The following DYM variants were observed in gnomAD, a reference collection of about 807,000 sequenced individuals.
DYM encodes the protein dymeclin.
A neutral mutation model predicts 93.1 loss-of-function variants in DYM; 78 were observed. The ratio of observed to expected loss-of-function variants is 0.84; its 90% confidence interval spans 0.70 to 1.01. The LOEUF (loss-of-function observed/expected upper bound fraction) is 1.01. Among genes scored for constraint, DYM ranks in the 50% least tolerant of loss-of-function variants. DYM has a pLI of 0.00. For synonymous variants in DYM, 321 were observed against 319.7 expected, an observed-to-expected ratio of 1.00 and a Z score of -0.04; for missense variants, 789 against 845.0, an observed-to-expected ratio of 0.93 and a Z score of 0.82.
At chr18:49,080,557 A>C (rs1460600466) in intron 17 of DYM, among the ~76,000 whole-genome samples, 1 of 106,104 alleles carries the variant, frequency 9.4e-6, no homozygotes. Flanking sequence ...GGCGCCCCTC[A>C]CCTCCCGGAC....
At chr18:49,192,437 A>G (rs2091066797) in intron 14 of DYM, among the ~76,000 whole-genome samples, 1 of 151,950 alleles carries the variant, frequency 6.6e-6, no homozygotes, top group Non-Finnish European at 1.5e-5. Flanking sequence ...ATCCAATTTG[A>G]TTTGATTTTG....
chr18:49,234,571 G>T (rs2093805760), intron 13 of DYM, among the ~76,000 whole-genome samples: 1 of 152,150 alleles, frequency 6.6e-6, no homozygotes, highest in African/African-American at 2.4e-5. Flanking sequence ...AACCCTAGGG[G>T]ATGGTTAGGG....
chr18:49,395,067 A>G (rs2069875403), intron 2 of DYM, among the ~76,000 whole-genome samples: 1 of 152,222 alleles, frequency 6.6e-6, no homozygotes, highest in Non-Finnish European at 1.5e-5. Context: ...ATGCTTCAGC[A>G]CATTGGTCTG....
intron 10 of DYM, among the ~76,000 whole-genome samples, chr18:49,280,367 G>GC (rs1007701097): frequency 6.6e-6 from 1 of 152,156 alleles, no homozygotes; most frequent in Non-Finnish European, 1.5e-5. Context: ...TAAAGCCTAA[G>GC]CCTGCCAGAG....
chr18:49,085,629 A>C (rs1186182027), intron 17 of DYM, among the ~76,000 whole-genome samples: 1 of 38,890 alleles, frequency 2.6e-5, no homozygotes, highest in African/African-American at 7.3e-5. Context: ...TTTTTTTTTG[A>C]TGGAGTCTCA....
At chr18:49,182,290 T>G (rs1410412925) in intron 14 of DYM, among the ~76,000 whole-genome samples, 2 of 152,168 alleles carry the variant, frequency 1.3e-5, no homozygotes. Context: ...TGGAGTGTTC[T>G]ATAAATGTCA....
chr18:49,430,490 C>T, intron 1 of DYM, 43 bp from the exon 2 acceptor site: 1 of 1,458,758 alleles, frequency 6.9e-7, no homozygotes, highest in Non-Finnish European at 9.4e-7. Context: ...GTTCAAAAGT[C>T]ATCATGCTTT....
At position 49,309,237 on chromosome 18, in the gene DYM, C is replaced by T. The variant is rs1264581104; in HGVS notation, c.764-22621G>A. On this transcript the variant is annotated intron_variant, in intron 8 of 17. Coordinates refer to ENST00000675505, the MANE Select transcript of DYM (RefSeq NM_001353214.3). ...GCATACTTAGAGAAAACTGGGTCAA[C>T]CTAAGTAGAAGGCTGCAGATTTATG... is the stretch of plus-strand genomic sequence containing the variant. 2.0e-5 allele frequency among the ~76,000 whole-genome samples: 3 copies of T among 152,150 alleles called. No homozygotes were observed. The South Asian group carries it at 6.2e-4, about 32-fold the overall frequency.
intron 17 of DYM, among the ~76,000 whole-genome samples, chr18:49,079,946 G>A (rs1156444778): frequency 1.3e-5 from 2 of 150,784 alleles, no homozygotes; most frequent in Non-Finnish European, 3.0e-5. Flanking sequence ...GGTGGTGGCC[G>A]GGCAGAGGGG....
chr18:49,172,370 T>C (rs904105264), intron 14 of DYM, among the ~76,000 whole-genome samples: 5 of 152,224 alleles, frequency 3.3e-5, no homozygotes, highest in Admixed American at 2.0e-4. Flanking sequence ...ATGAGTAAGA[T>C]TGCTGGATTG....
chr18:49,390,582 A>G, intron 3 of DYM: 1 of 151,916 alleles, frequency 6.6e-6, no homozygotes, highest in Non-Finnish European at 1.5e-5. Context: ...ATCTCGGCTC[A>G]CTGCAACCTC....
At chr18:49,441,308 A>C (rs1213379424) in intron 1 of DYM, among the ~76,000 whole-genome samples, 1 of 31,242 alleles carries the variant, frequency 3.2e-5, no homozygotes, top group African/African-American at 1.9e-4. Flanking sequence ...ATTATATATA[A>C]TTAATATATA....
At chr18:49,143,766 T>C (rs1044706562) in intron 15 of DYM, among the ~76,000 whole-genome samples, 1 of 152,096 alleles carries the variant, frequency 6.6e-6, no homozygotes, top group African/African-American at 2.4e-5. Context: ...TATCGAGAAA[T>C]TTCAAATATA....
chr18:49,402,605 A>G (rs534258742), intron 2 of DYM, among the ~76,000 whole-genome samples: 2 of 152,356 alleles, frequency 1.3e-5, no homozygotes, highest in South Asian at 4.1e-4. Context: ...CATAATCTTT[A>G]AAAATTCTTG....
chr18:49,283,997 T>A (rs185530641), intron 9 of DYM, among the ~76,000 whole-genome samples: 25 of 152,336 alleles, frequency 1.6e-4, no homozygotes, highest in African/African-American at 5.8e-4. Flanking sequence ...TTTATATTTT[T>A]GCAAGGGATG....
intron 1 of DYM, among the ~76,000 whole-genome samples, chr18:49,459,621 G>A (rs971734014): frequency 2.0e-5 from 3 of 151,966 alleles, no homozygotes; most frequent in Admixed American, 6.6e-5. Flanking sequence ...CCTCTTTCAA[G>A]GAACTCACTC....
At chr18:49,275,755 C>T (rs1362699384) in intron 10 of DYM, among the ~76,000 whole-genome samples, 1 of 151,966 alleles carries the variant, frequency 6.6e-6, no homozygotes, top group Non-Finnish European at 1.5e-5. Context: ...ATGTGTTTCC[C>T]CATTTCTTTC....
chr18:49,124,703 G>C (rs2082661908), intron 15 of DYM, among the ~76,000 whole-genome samples: 1 of 152,036 alleles, frequency 6.6e-6, no homozygotes, highest in East Asian at 1.9e-4. Context: ...ATTATATTCA[G>C]TTGCAGATTT....
Position 49,080,153 on chromosome 18 carries a change from G to GC in DYM, c.2025+17248_2025+17249insG, listed in dbSNP as rs1435866304. Among the ~76,000 whole-genome samples, 8 of 43,002 alleles carry GC rather than the reference G, an allele frequency of 1.9e-4. 2 individuals carry two copies. Among genetic ancestry groups the GC allele is most frequent in the Admixed American group, 5.7e-4 (3 of 5,242 alleles). The allele number at this position is 43,002 out of a possible 152,430, so 28.2% of individuals were successfully genotyped here. On this transcript the variant is annotated intron_variant, in intron 17 of 17. Transcript: ENST00000675505. ...CCTCCCGGACGGGGCGGCTGGCCGG[G>GC]GGGGGGCTGACCCCCCCACCTCCCT... is the stretch of plus-strand genomic sequence containing the variant.
Sources: allele counts gnomAD v4.1 joint callset (sites outside exome capture counted in the v4.1 genomes callset), GRCh38; gene constraint gnomAD v4.1.1; transcripts MANE v1.5; gene names NCBI Gene and HGNC (gene_info 2026-07-23, HGNC 2026-07-21).